Variants in EIF3H observed in about 807,000 individuals in gnomAD.
EIF3H encodes eIF-3-gamma.
EIF3H carries 26 observed loss-of-function variants against 44.2 expected under a neutral mutation model. The ratio of observed to expected loss-of-function variants is 0.59; its 90% CI spans 0.43 to 0.82. The LOEUF (loss-of-function observed/expected upper bound fraction) is 0.82, where lower values mean the gene tolerates loss of function less well. Ranked by LOEUF, EIF3H falls within the 40% of genes least tolerant of loss-of-function variation. The pLI is 0.00. For synonymous variants in EIF3H, 166 were observed against 151.9 expected (o/e 1.09, Z -0.68); for missense variants, 359 against 432.8 (o/e 0.83, Z 1.51).
intron 1 of EIF3H, among the ~76,000 whole-genome samples, chr8:116,753,805 A>G (rs1815397421): frequency 6.6e-6 from 1 of 152,210 alleles, no homozygotes; most frequent in Non-Finnish European, 1.5e-5. Context: ...AATGTCCTAA[A>G]ATATTTGCTA....
chr8:116,672,796 C>T (rs1032959570), intron 2 of EIF3H, among the ~76,000 whole-genome samples: 1 of 151,976 alleles, frequency 6.6e-6, no homozygotes, highest in Non-Finnish European at 1.5e-5. Context: ...TCAAGATAAT[C>T]TGAAAAGGAG....
At chr8:116,668,295 TCTC>T (rs1215145269) in intron 2 of EIF3H, among the ~76,000 whole-genome samples, 1 of 152,182 alleles carries the variant, frequency 6.6e-6, no homozygotes, top group Non-Finnish European at 1.5e-5. Context: ...TGGACTGCAC[TCTC>T]CTCCTAAGGA....
chr8:116,735,814 A>G (rs1016366067), intron 1 of EIF3H, among the ~76,000 whole-genome samples: 3 of 151,808 alleles, frequency 2.0e-5, no homozygotes, highest in African/African-American at 7.3e-5. Context: ...AAAAAAAAAA[A>G]CGTAACACAG....
chr8:116,739,871 T>C (rs546783576), intron 1 of EIF3H, among the ~76,000 whole-genome samples: 1 of 152,178 alleles, frequency 6.6e-6, no homozygotes, highest in African/African-American at 2.4e-5. Context: ...GACATGAAAA[T>C]AGTTTACAGC....
At chr8:116,718,322 A>C (rs1814688033) in intron 2 of EIF3H, among the ~76,000 whole-genome samples, 1 of 152,172 alleles carries the variant, frequency 6.6e-6, no homozygotes, top group Admixed American at 6.5e-5. Context: ...CTGCTTAAAG[A>C]ATTAAAAGTA....
intron 2 of EIF3H, among the ~76,000 whole-genome samples, chr8:116,679,080 C>T (rs1380893425): frequency 3.4e-5 from 2 of 58,928 alleles, no homozygotes; most frequent in African/African-American, 9.6e-5. Flanking sequence ...AGTGAGGAGT[C>T]CCTCTGCCCG....
At chr8:116,736,876 A>G (rs1181831277) in intron 1 of EIF3H, among the ~76,000 whole-genome samples, 1 of 152,206 alleles carries the variant, frequency 6.6e-6, no homozygotes, top group East Asian at 1.9e-4. Context: ...TATAAAATAA[A>G]TATCTATTGA....
chr8:116,647,477 T>C (rs111900908), intron 6 of EIF3H, among the ~76,000 whole-genome samples: 129 of 152,366 alleles, frequency 8.5e-4, no homozygotes, highest in African/African-American at 2.8e-3. Flanking sequence ...ATAGCTCAGA[T>C]AATGCTTCAA....
chr8:116,734,356 T>G (rs373280379), intron 1 of EIF3H: 2 of 455,872 alleles, frequency 4.4e-6, no homozygotes, highest in Admixed American at 2.4e-5. Context: ...CTATGAAAAC[T>G]TGGGAGAAGA....
intron 1 of EIF3H, among the ~76,000 whole-genome samples, chr8:116,752,783 G>A (rs181112261): frequency 0.093 from 3,360 of 35,948 alleles, 236 homozygotes; most frequent in Non-Finnish European, 0.13. Context: ...GAGGGAGGGA[G>A]GGAGGGAGGG....
intron 2 of EIF3H, among the ~76,000 whole-genome samples, chr8:116,697,909 A>G (rs1002824485): frequency 6.6e-6 from 1 of 152,228 alleles, no homozygotes; most frequent in African/African-American, 2.4e-5. Context: ...TGAACTAATA[A>G]TTGTACCAAG....
chr8:116,750,690 C>A (rs1321652028), intron 1 of EIF3H, among the ~76,000 whole-genome samples: 1 of 151,382 alleles, frequency 6.6e-6, no homozygotes, highest in East Asian at 2.0e-4. Flanking sequence ...GGATTACAGG[C>A]GTGAGCCACC....
chr8:116,683,540 G>T (rs933522914), intron 2 of EIF3H, among the ~76,000 whole-genome samples: 2 of 152,122 alleles, frequency 1.3e-5, no homozygotes, highest in African/African-American at 2.4e-5. Flanking sequence ...GAAATTTGAC[G>T]TAAGAATTTT....
At position 116,755,730 on chromosome 8, in the gene EIF3H, C is replaced by G. The variant is rs144646997; in HGVS notation, c.68G>C (p.Gly23Ala). ...TSSSSTAGAA[G>A]KGKGKGGSGD... ...CGAGCCGCCTTTGCCTTTGCCTTTC[C>G]CTGCTGCGCCGGCGGTGGAGCTGGA... The change falls in exon 1 of 8, where the codon GGG (glycine) becomes GCG (alanine). Residue 23 changes from glycine (G) to alanine (A), a missense_variant. Coordinates refer to ENST00000521861, the MANE Select transcript of EIF3H (RefSeq NM_003756.3). 73 of 1,614,058 alleles carry G rather than the reference C, an allele frequency of 4.5e-5. No individual in the cohort carries two copies. Among genetic ancestry groups the G allele is most frequent in the Non-Finnish European group, 5.8e-5 (68 of 1,180,044 alleles).
chr8:116,674,175 A>G (rs1813806612), intron 2 of EIF3H, among the ~76,000 whole-genome samples: 1 of 151,714 alleles, frequency 6.6e-6, no homozygotes, highest in Non-Finnish European at 1.5e-5. Context: ...TAGAAAGTAT[A>G]ATACATTATT....
intron 2 of EIF3H, among the ~76,000 whole-genome samples, chr8:116,695,233 A>T (rs548693953): frequency 6.6e-6 from 1 of 152,034 alleles, no homozygotes; most frequent in East Asian, 1.9e-4. Context: ...ACGCCCGGCT[A>T]ATTTTTGTAT....
intron 2 of EIF3H, among the ~76,000 whole-genome samples, chr8:116,696,218 T>A (rs1814266689): frequency 6.6e-6 from 1 of 152,308 alleles, no homozygotes; most frequent in East Asian, 1.9e-4. Flanking sequence ...CATTACATTA[T>A]GCCAAAGAGT....
chr8:116,684,246 G>A (rs983522898), intron 2 of EIF3H, among the ~76,000 whole-genome samples: 1 of 152,204 alleles, frequency 6.6e-6, no homozygotes, highest in Non-Finnish European at 1.5e-5. Context: ...AAACTGGGCA[G>A]AAAGGATCAA....
At chr8:116,726,315 C>T (rs1814837268) in intron 1 of EIF3H, 143 bp from the exon 2 acceptor site, 1 of 916,354 alleles carries the variant, frequency 1.1e-6, no homozygotes, top group African/African-American at 1.7e-5. Flanking sequence ...TCTTACAAAT[C>T]CTTTCCTTTA....
Sources: gnomAD v4.1 joint callset for allele counts (sites outside exome capture counted in the v4.1 genomes callset) on GRCh38, gnomAD v4.1.1 for gene constraint, MANE v1.5 for transcripts, NCBI Gene and HGNC (gene_info 2026-07-23, HGNC 2026-07-21) for gene names.